Variants in LUZP2 observed in about 807,000 individuals in gnomAD.
The protein encoded by LUZP2 is leucine zipper protein 2.
Under a neutral mutation model 51.6 loss-of-function variants are expected in LUZP2, and 52 were observed. The ratio of observed to expected loss-of-function variants is 1.01; its 90% confidence interval spans 0.81 to 1.27. The LOEUF (loss-of-function observed/expected upper bound fraction) is 1.27. Ranked by LOEUF, LUZP2 falls within the 50% of genes most tolerant of loss-of-function variation. LUZP2 has a pLI of 0.00. For missense variants in LUZP2, 436 were observed against 395.4 expected, an observed-to-expected ratio of 1.10 and a Z score of -0.87; for synonymous variants, 154 against 137.3, an observed-to-expected ratio of 1.12 and a Z score of -0.85.
chr11:24,593,713 T>A (rs566126026), intron 1 of LUZP2, among the ~76,000 whole-genome samples: 1 of 152,230 alleles, frequency 6.6e-6, no homozygotes, highest in Non-Finnish European at 1.5e-5. Flanking sequence ...GATGTTCCAA[T>A]AGGCTCTTAC....
At chr11:24,648,270 A>G (rs1855522151) in intron 1 of LUZP2, among the ~76,000 whole-genome samples, 1 of 151,846 alleles carries the variant, frequency 6.6e-6, no homozygotes, top group African/African-American at 2.4e-5. Context: ...CCTGGTAATT[A>G]TAAGTATCTC....
chr11:24,738,885 G>A (rs1442028845), intron 4 of LUZP2, among the ~76,000 whole-genome samples: 1 of 152,048 alleles, frequency 6.6e-6, no homozygotes, highest in African/African-American at 2.4e-5. Flanking sequence ...CAGGAGGGAT[G>A]GTGTTTCTGA....
chr11:24,689,672 T>G lies in LUZP2; in HGVS notation c.63-39497T>G, dbSNP rs375003609. On this transcript the variant is annotated intron_variant, in intron 1 of 11. Transcript: ENST00000336930. ...CTCATGTCTGAACTGCTACCTACTTTAACAGACAGACCTTTATCTAACTTT... is the reference window on the plus strand; with the variant it reads ...CTCATGTCTGAACTGCTACCTACTTGAACAGACAGACCTTTATCTAACTTT... Among the ~76,000 whole-genome samples the G allele has an allele frequency of 6.6e-4, 100 of 152,280 alleles. 2 individuals are homozygous for G. In the South Asian group the frequency reaches 0.013, roughly 20 times the overall value.
intron 1 of LUZP2, among the ~76,000 whole-genome samples, chr11:24,692,921 T>C (rs80054736): frequency 0.023 from 3,553 of 152,080 alleles, 141 homozygotes; most frequent in African/African-American, 0.079. Flanking sequence ...TCACAGCTGC[T>C]ATTTCATTTT....
chr11:24,497,552 G>A (rs1849864399), intron 1 of LUZP2, among the ~76,000 whole-genome samples: 1 of 152,292 alleles, frequency 6.6e-6, no homozygotes, highest in East Asian at 1.9e-4. Flanking sequence ...TTTCTCTTCC[G>A]AAGGAGAGAA....
intron 9 of LUZP2, among the ~76,000 whole-genome samples, chr11:25,021,302 GAA>G (rs57811370): frequency 0.39 from 58,018 of 147,786 alleles, 12,131 homozygotes; most frequent in Non-Finnish European, 0.47. Flanking sequence ...GAATTTGTCA[GAA>G]AAAAAAAAAG....
chr11:24,828,261 A>G (rs1022776569), intron 5 of LUZP2, among the ~76,000 whole-genome samples: 1 of 152,102 alleles, frequency 6.6e-6, no homozygotes, highest in Non-Finnish European at 1.5e-5. Context: ...ATCTCTCACA[A>G]TGATAGGGTA....
intron 5 of LUZP2, among the ~76,000 whole-genome samples, chr11:24,836,660 T>C (rs561574467): frequency 1.5e-4 from 23 of 151,990 alleles, no homozygotes; most frequent in Admixed American, 6.6e-4. Context: ...TAAGAGATAC[T>C]ACACAAGGGA....
intron 1 of LUZP2, among the ~76,000 whole-genome samples, chr11:24,564,713 G>T (rs1296822300): frequency 6.6e-6 from 1 of 152,094 alleles, no homozygotes. Context: ...GTAACAAGCA[G>T]ATCAACAATT....
intron 5 of LUZP2, among the ~76,000 whole-genome samples, chr11:24,875,246 TC>T (rs1852211751): frequency 7.1e-6 from 1 of 141,624 alleles, no homozygotes; most frequent in Non-Finnish European, 1.5e-5. Flanking sequence ...AAGCTATCCT[TC>T]CCCCCTCCCC....
At chr11:24,961,812 C>A (rs1246244990) in intron 7 of LUZP2, among the ~76,000 whole-genome samples, 2 of 147,428 alleles carry the variant, frequency 1.4e-5, no homozygotes, top group Admixed American at 1.4e-4. Flanking sequence ...GGTTATTTTG[C>A]TCGTTAGTTG....
intron 5 of LUZP2, among the ~76,000 whole-genome samples, chr11:24,823,157 A>C (rs1850411025): frequency 6.6e-6 from 1 of 152,194 alleles, no homozygotes. Flanking sequence ...TGTGATACAC[A>C]ATAGTCAGTG....
intron 9 of LUZP2, among the ~76,000 whole-genome samples, chr11:24,988,532 G>A (rs1425958901): frequency 1.3e-5 from 2 of 151,986 alleles, no homozygotes; most frequent in Non-Finnish European, 2.9e-5. Flanking sequence ...CTGAATGTTA[G>A]AAGAATCTAT....
At chr11:24,879,379 G>T (rs1852380364) in intron 5 of LUZP2, among the ~76,000 whole-genome samples, 1 of 152,170 alleles carries the variant, frequency 6.6e-6, no homozygotes, top group Non-Finnish European at 1.5e-5. Context: ...CAATAAATAT[G>T]CATGTACGTA....
At position 24,769,693 on chromosome 11, in the gene LUZP2, A is replaced by ATT. The variant is rs763755994; in HGVS notation, c.396+6397_396+6398dup. Among the ~76,000 whole-genome samples, 312 of 105,770 alleles carry ATT rather than the reference A, an allele frequency of 2.9e-3. 2 individuals are homozygous for ATT. The highest frequency in any genetic ancestry group is 9.4e-3 in the African/African-American group (297 of 31,582). 69.4% of individuals were successfully genotyped at this position (105,770 alleles called of 152,430 possible). A position where few individuals can be genotyped will look rare whatever the true frequency, so the allele number is the denominator to read the frequency against. ...TCCTTATTTTCTTCTATGGTGGTCT[A>ATT]TTTTTTTTTTTTTGGGATTATAATT... On this transcript the variant is annotated intron_variant, in intron 5 of 11. Transcript: ENST00000336930.
At chr11:24,742,928 A>T (rs2133992976) in intron 4 of LUZP2, among the ~76,000 whole-genome samples, 1 of 152,112 alleles carries the variant, frequency 6.6e-6, no homozygotes, top group East Asian at 1.9e-4. Flanking sequence ...CAATTATCCC[A>T]GCACCATTTG....
chr11:24,943,219 G>C (rs1854803112), intron 7 of LUZP2, among the ~76,000 whole-genome samples: 1 of 152,144 alleles, frequency 6.6e-6, no homozygotes, highest in Admixed American at 6.6e-5. Flanking sequence ...TAATTTTTGA[G>C]CAAATTTTTC....
intron 5 of LUZP2, among the ~76,000 whole-genome samples, chr11:24,813,081 T>A (rs1446447788): frequency 2.0e-5 from 3 of 152,202 alleles, no homozygotes; most frequent in African/African-American, 7.2e-5. Context: ...ATCTTGATAA[T>A]TACTTTTGTC....
intron 5 of LUZP2, among the ~76,000 whole-genome samples, chr11:24,773,003 T>C (rs549274321): frequency 6.6e-6 from 1 of 152,096 alleles, no homozygotes; most frequent in South Asian, 2.1e-4. Flanking sequence ...AAGTTCTAGG[T>C]AGACATGAAT....
Sources: allele counts gnomAD v4.1 joint callset (sites outside exome capture counted in the v4.1 genomes callset), GRCh38; gene constraint gnomAD v4.1.1; transcripts MANE v1.5; gene names NCBI Gene and HGNC (gene_info 2026-07-23, HGNC 2026-07-21).